Variants in FBXW9 observed in about 807,000 individuals in gnomAD.
FBXW9 encodes F-box and WD repeat domain containing 9.
In FBXW9, 38 loss-of-function variants were observed where a neutral mutation model predicts 55.8. That is an observed-to-expected ratio of 0.68 (90% CI 0.53 to 0.89). The LOEUF is 0.89. Among genes scored for constraint, FBXW9 ranks in the 40% least tolerant of loss-of-function variants. The pLI, the probability that FBXW9 is intolerant of heterozygous loss-of-function variation, is 0.00. For missense variants in FBXW9, 590 were observed against 619.4 expected (o/e 0.95, Z 0.50); for synonymous variants, 289 against 278.2 (o/e 1.04, Z -0.38).
rs771207768 is a variant in FBXW9, at chr19:12,689,738, CAG to C, written c.1146+21_1146+22del. 5.0e-6 allele frequency: 8 copies of C among 1,612,318 alleles called. No homozygotes were observed. Among genetic ancestry groups the C allele is most frequent in the Admixed American group, 3.3e-5 (2 of 59,986 alleles). ...AAGGAAGCCCGGGGGGAGGGACAGT[CAG>C]GGGCAGGAGCTCCAGCAGACCCGGA... On this transcript the variant is annotated intron_variant, in intron 7 of 9. Transcript: ENST00000393261. This position sits in a 1 kb window ranked among gnomAD's most constrained non-coding sequence, Gnocchi z 5.9.
At position 12,694,802 on chromosome 19, in the gene FBXW9, G is replaced by A; in HGVS notation, c.546C>T (p.Leu182=). The A allele has an allele frequency of 1.2e-6, 2 of 1,614,040 alleles. No individual in the cohort carries two copies. Among genetic ancestry groups the A allele is most frequent in the South Asian group, 1.1e-5 (1 of 91,072 alleles). The change falls in exon 2 of 10, where the codon CTC becomes CTT. Residue 182 remains leucine, a synonymous_variant. Coordinates refer to ENST00000393261, the MANE Select transcript of FBXW9 (RefSeq NM_032301.3). Reference sequence around the variant, plus strand: ...CCCCCCACAGACCCCGTCTCACCTGGAGCAGCAGCACTGAGTCAACGGAAG... The same window carrying A: ...CCCCCCACAGACCCCGTCTCACCTGAAGCAGCAGCACTGAGTCAACGGAAG... ...HVASVDSVLL[L]QGGSLCLSGS... is the part of the protein sequence containing the mutation.
In FBXW9 at chr19:12,689,410, T is replaced by A; in HGVS notation, c.1264A>T (p.Thr422Ser). Residue 422 changes from threonine to serine, a missense_variant, in exon 9 of 10, where the codon ACC becomes TCC. Transcript: ENST00000393261. The surrounding 1 kb of genome is among the most constrained non-coding windows in gnomAD (Gnocchi z 5.9). ...RVHVPTDPPR[T>S]ICTRRHDNGL... The stretch of plus-strand genomic sequence containing the variant: ...TTGTCATGCCTTCGGGTGCAAATGG[T>A]CCTTGGTGGGTCTGTGGGCACGTGC... 6.2e-7 allele frequency: 1 copy of A among 1,614,020 alleles called. No individual in the cohort carries two copies. The highest frequency in any genetic ancestry group is 1.6e-4 in the Middle Eastern group (1 of 6,062).
chr19:12,689,670 C>T lies in FBXW9; in HGVS notation c.1147-40G>A. The stretch of plus-strand genomic sequence containing the variant: ...TCAGGCAACACTCAGTCGAGGCTCT[C>T]CCAAGGCCCGCCCTCCCCCACACCA... On this transcript the variant is annotated intron_variant, in intron 7 of 9. Transcript: ENST00000393261. This position sits in a 1 kb window ranked among gnomAD's most constrained non-coding sequence, Gnocchi z 5.9. 1 of 1,610,918 alleles carries T rather than the reference C, an allele frequency of 6.2e-7. No individual in the cohort carries two copies. The highest frequency in any genetic ancestry group is 8.5e-7 in the Non-Finnish European group (1 of 1,177,452).
chr19:12,690,195 T>G, intron 5 of FBXW9, 85 bp from the exon 6 acceptor site: 1 of 1,591,694 alleles, frequency 6.3e-7, no homozygotes, highest in East Asian at 2.2e-5. Context: ...CGGGTCTCCA[T>G]CCTGTCTGGC....
Position 12,689,764 on chromosome 19 carries a change from G to C in FBXW9, c.1143C>G (p.Ile381Met), listed in dbSNP as rs2024978190. 1.9e-6 allele frequency: 3 copies of C among 1,614,040 alleles called. No homozygotes were observed. Among genetic ancestry groups the C allele is most frequent in the Non-Finnish European group, 2.5e-6 (3 of 1,179,892 alleles). The change falls in exon 7 of 10, where the codon ATC becomes ATG. Residue 381 changes from isoleucine to methionine, a missense_variant. Physicochemically the swap from Ile to Met is conservative, Grantham distance 10. Coordinates refer to ENST00000393261, the MANE Select transcript of FBXW9 (RefSeq NM_032301.3). The surrounding 1 kb of genome is among the most constrained non-coding windows in gnomAD (Gnocchi z 5.9). ...FANRNGCFQL[I>M]RSFDVGHSFP... ...AGGGGCAGGAGCTCCAGCAGACCCGGATAAGCTGGAAGCAGCCGTTGCGGT... is the reference window on the plus strand; with the variant it reads ...AGGGGCAGGAGCTCCAGCAGACCCGCATAAGCTGGAAGCAGCCGTTGCGGT...
rs370960123 is a variant in FBXW9, at chr19:12,694,652, G to A, written c.620C>T (p.Thr207Met). The A allele has an allele frequency of 1.4e-5, 23 of 1,613,992 alleles. No homozygotes were observed. Among genetic ancestry groups the A allele is most frequent in the Middle Eastern group, 1.6e-4 (1 of 6,084 alleles). ...VNLWDLRQLG[T>M]ESNQVLIKTL... The stretch of plus-strand genomic sequence containing the variant: ...CTTGATCAGAACCTGGTTGGACTCC[G>A]TCCCCAGCTGCCGCAGGTCCCACAA... Residue 207 changes from threonine (T) to methionine (M), a missense_variant, in exon 3 of 10, where the codon ACG becomes ATG. Coordinates refer to ENST00000393261, the MANE Select transcript of FBXW9 (RefSeq NM_032301.3).
At chr19:12,690,924 G>A (rs1426993078) in intron 5 of FBXW9, among the ~76,000 whole-genome samples, 1 of 152,198 alleles carries the variant, frequency 6.6e-6, no homozygotes, top group Non-Finnish European at 1.5e-5. Flanking sequence ...CGAGGTTCAA[G>A]CTTGTCTGGA....
intron 1 of FBXW9, among the ~76,000 whole-genome samples, chr19:12,695,856 C>T (rs1361269238): frequency 6.6e-6 from 1 of 152,198 alleles, no homozygotes; most frequent in Admixed American, 6.5e-5. Flanking sequence ...AATCCCCAAT[C>T]AGGGGTCAGT....
intron 4 of FBXW9, 41 bp downstream of exon 4, chr19:12,691,301 G>C: frequency 6.2e-7 from 1 of 1,613,476 alleles, no homozygotes; most frequent in East Asian, 2.2e-5. Flanking sequence ...GGCCAGACAG[G>C]GTCCTATCCC....
Position 12,689,741 on chromosome 19 carries a change from G to A in FBXW9, c.1146+20C>T. ...GAAGCCCGGGGGGAGGGACAGTCAG[G>A]GGCAGGAGCTCCAGCAGACCCGGAT... On this transcript the variant is annotated intron_variant, in intron 7 of 9. Coordinates refer to ENST00000393261, the MANE Select transcript of FBXW9 (RefSeq NM_032301.3). The surrounding 1 kb of genome is among the most constrained non-coding windows in gnomAD (Gnocchi z 5.9). 6.2e-7 allele frequency: 1 copy of A among 1,612,216 alleles called. No individual in the cohort carries two copies. The highest frequency in any genetic ancestry group is 1.1e-5 in the South Asian group (1 of 91,008).
chr19:12,690,135 G>A, intron 5 of FBXW9, 25 bp from the exon 6 acceptor site: 1 of 1,612,882 alleles, frequency 6.2e-7, no homozygotes, highest in Non-Finnish European at 8.5e-7. Flanking sequence ...GGCCGGTGAG[G>A]AGGGATATCA....
chr19:12,692,562 C>G (rs2025022369), intron 3 of FBXW9, among the ~76,000 whole-genome samples: 1 of 150,630 alleles, frequency 6.6e-6, no homozygotes, highest in Non-Finnish European at 1.5e-5. Flanking sequence ...CGCTCTGTCG[C>G]CCAGGCTGGA....
At chr19:12,693,765 C>T (rs1309313729) in intron 3 of FBXW9, among the ~76,000 whole-genome samples, 1 of 149,762 alleles carries the variant, frequency 6.7e-6, no homozygotes, top group African/African-American at 2.5e-5. Flanking sequence ...GTGGCAGGCA[C>T]CTGTAATCCC....
chr19:12,695,023 G>A lies in FBXW9; in HGVS notation c.410-85C>T, dbSNP rs1319152079. The A allele has an allele frequency of 6.0e-6, 9 of 1,488,842 alleles. No individual in the cohort carries two copies. In the East Asian group the frequency reaches 1.6e-4, roughly 27 times the overall value. The allele number at this position is 1,488,842 out of a possible 1,614,324, so 92.2% of individuals were successfully genotyped here. On this transcript the variant is annotated intron_variant, in intron 1 of 9. Coordinates refer to ENST00000393261, the MANE Select transcript of FBXW9 (RefSeq NM_032301.3). Reference sequence around the variant, plus strand: ...GGCCAAGCCCAACCCTGGCTTCCAGGGAGCCCACACTACACCAGACTTGGA... The same window carrying A: ...GGCCAAGCCCAACCCTGGCTTCCAGAGAGCCCACACTACACCAGACTTGGA...
rs2024963510 is a variant in FBXW9 at position 12,689,078 on chromosome 19, C to T, written c.*138G>A. 2.5e-6 allele frequency: 2 copies of T among 788,758 alleles called. No individual in the cohort carries two copies. Among genetic ancestry groups the T allele is most frequent in the Non-Finnish European group, 4.4e-6 (2 of 455,990 alleles). 48.9% of individuals were successfully genotyped at this position (788,758 alleles called of 1,614,324 possible). On this transcript the variant is annotated 3_prime_UTR_variant, in exon 10 of 10. Coordinates refer to ENST00000393261, the MANE Select transcript of FBXW9 (RefSeq NM_032301.3). The surrounding 1 kb of genome is among the most constrained non-coding windows in gnomAD (Gnocchi z 5.9). ...CGGGCATAGGGCCCAGGCCAGGACG[C>T]TCACCCGAATGTGGCTGGGACTCCT...
rs1599397192 is a variant in FBXW9, at chr19:12,694,787, A to G, written c.549+12T>C. The G allele has an allele frequency of 1.9e-6, 3 of 1,613,650 alleles. No individual in the cohort carries two copies. Among genetic ancestry groups the G allele is most frequent in the African/African-American group, 1.3e-5 (1 of 74,994 alleles). On this transcript the variant is annotated intron_variant, in intron 2 of 9. Coordinates refer to ENST00000393261, the MANE Select transcript of FBXW9 (RefSeq NM_032301.3). ...GCCCACCCTGCCTGGCCCCCCACAG[A>G]CCCCGTCTCACCTGGAGCAGCAGCA...
rs770468401 is a variant in FBXW9, at chr19:12,691,421, G to C, written c.712C>G (p.Arg238Gly). The part of the protein sequence containing the change: ...WVWSLAAQDH[R>G]VCSGSWDSTV... ...CTGTCCCAGGAGCCGGAGCACACGC[G>C]GTGGTCCTGCGCTGCCAGTGACCAC... The change falls in exon 4 of 10, where the codon CGC (arginine) becomes GGC (glycine). Residue 238 changes from arginine to glycine, a missense_variant. Physicochemically the swap from Arg to Gly is moderately radical, Grantham distance 125. Transcript: ENST00000393261. 1 of 1,599,118 alleles carries C rather than the reference G, an allele frequency of 6.3e-7. No individual in the cohort carries two copies. Among genetic ancestry groups the C allele is most frequent in the East Asian group, 2.3e-5 (1 of 43,734 alleles).
Position 12,689,476 on chromosome 19 carries a change from C to T in FBXW9, c.1237-39G>A. On this transcript the variant is annotated intron_variant, in intron 8 of 9. Transcript: ENST00000393261. The surrounding 1 kb of genome is among the most constrained non-coding windows in gnomAD (Gnocchi z 5.9). ...ATGGGCGAGGTCAAGAGGTGTGCCCCTGGCTGATGGAGGTAGGGGAGAGGC... is the reference window on the plus strand; with the variant it reads ...ATGGGCGAGGTCAAGAGGTGTGCCCTTGGCTGATGGAGGTAGGGGAGAGGC... 1 of 1,614,006 alleles carries T rather than the reference C, an allele frequency of 6.2e-7. No homozygotes were observed. Among genetic ancestry groups the T allele is most frequent in the Non-Finnish European group, 8.5e-7 (1 of 1,179,936 alleles).
In FBXW9 at chr19:12,689,917, G is replaced by A. The variant is rs368684577; in HGVS notation, c.1033-43C>T. The A allele has an allele frequency of 1.7e-5, 27 of 1,612,528 alleles. No homozygotes were observed. The African/African-American group carries it at 3.5e-4, about 21-fold the overall frequency. On this transcript the variant is annotated intron_variant, in intron 6 of 9. Transcript: ENST00000393261. The surrounding 1 kb of genome is among the most constrained non-coding windows in gnomAD (Gnocchi z 5.9). ...GACGGGACAGCTCAGGCCGGGCTGG[G>A]CCTGCAACAGTCCCCATCCCTCCAG... is the stretch of plus-strand genomic sequence containing the variant.
Sources: gnomAD v4.1 joint callset for allele counts (sites outside exome capture counted in the v4.1 genomes callset) on GRCh38, gnomAD v4.1.1 for gene constraint, Gnocchi (gnomAD v3.1) non-coding constraint, MANE v1.5 for transcripts, NCBI Gene and HGNC (gene_info 2026-07-23, HGNC 2026-07-21) for gene names.